Variants in GABRA2 observed in about 807,000 individuals in gnomAD.
GABRA2 encodes gamma-aminobutyric acid type A receptor subunit alpha2.
Under a neutral mutation model 48.7 loss-of-function variants are expected in GABRA2, and 16 were observed. The ratio of observed to expected loss-of-function variants is 0.33; its 90% confidence interval spans 0.22 to 0.50. GABRA2 has a LOEUF of 0.50. Among genes scored for constraint, GABRA2 ranks in the 20% least tolerant of loss-of-function variants. The pLI, the probability that GABRA2 is intolerant of heterozygous loss-of-function variation, is 0.98. For synonymous variants in GABRA2, 185 were observed against 184.5 expected, an observed-to-expected ratio of 1.00 and a Z score of -0.02; for missense variants, 275 against 535.6, an observed-to-expected ratio of 0.51 and a Z score of 4.80.
intron 6 of GABRA2, among the ~76,000 whole-genome samples, chr4:46,309,730 A>G (rs984957846): frequency 2.0e-5 from 3 of 152,262 alleles, no homozygotes; most frequent in African/African-American, 7.2e-5. Flanking sequence ...AAATCCTTCC[A>G]TTAGTTACAG....
At chr4:46,264,232 C>T (rs1011847858) in intron 8 of GABRA2, among the ~76,000 whole-genome samples, 1 of 151,882 alleles carries the variant, frequency 6.6e-6, no homozygotes, top group African/African-American at 2.4e-5. Context: ...TGATGTGGTT[C>T]GTTAAGGGTC....
intron 8 of GABRA2, among the ~76,000 whole-genome samples, chr4:46,274,693 T>G (rs530492923): frequency 1.3e-5 from 2 of 152,204 alleles, no homozygotes; most frequent in Admixed American, 6.6e-5. Context: ...AAATGTTAAA[T>G]TCTCCCCTCT....
At chr4:46,350,444 T>C (rs1734929194) in intron 3 of GABRA2, among the ~76,000 whole-genome samples, 1 of 151,896 alleles carries the variant, frequency 6.6e-6, no homozygotes, top group African/African-American at 2.4e-5. Flanking sequence ...GATATATATG[T>C]AGGTATATAT....
chr4:46,313,116 CAAATAAATAAATAAAT>C (rs199996713), intron 4 of GABRA2, among the ~76,000 whole-genome samples: 3,287 of 134,460 alleles, frequency 0.024, 116 homozygotes, highest in African/African-American at 0.085. Flanking sequence ...TTCCCAGTAG[CAAATAAATAAATAAAT>C]AAATAAATAA....
chr4:46,373,558 T>G (rs1364932163), intron 3 of GABRA2, among the ~76,000 whole-genome samples: 1 of 152,084 alleles, frequency 6.6e-6, no homozygotes, highest in Non-Finnish European at 1.5e-5. Flanking sequence ...AATAATATGG[T>G]TCTATATATG....
intron 9 of GABRA2, chr4:46,261,546 T>C (rs1577797854): frequency 1.0e-5 from 3 of 294,760 alleles, no homozygotes; most frequent in East Asian, 1.3e-4. Context: ...AGTTCAAGTA[T>C]ACTTACTAAC....
intron 3 of GABRA2, among the ~76,000 whole-genome samples, chr4:46,355,965 T>C (rs1735896156): frequency 6.6e-6 from 1 of 152,058 alleles, no homozygotes; most frequent in Non-Finnish European, 1.5e-5. Flanking sequence ...TAATGGCAAA[T>C]TTAGTACCTC....
intron 3 of GABRA2, among the ~76,000 whole-genome samples, chr4:46,339,575 TACTATGCAAA>T (rs1407978272): frequency 2.0e-5 from 3 of 151,874 alleles, no homozygotes; most frequent in African/African-American, 7.2e-5. Context: ...CAAAGAGAGA[TACTATGCAAA>T]AAATCAAATA....
At chr4:46,294,113 A>G (rs1724192094) in intron 8 of GABRA2, among the ~76,000 whole-genome samples, 2 of 152,184 alleles carry the variant, frequency 1.3e-5, no homozygotes, top group Admixed American at 1.3e-4. Context: ...TTCCTACATC[A>G]GGGGTATATC....
chr4:46,279,527 A>G (rs1721115645), intron 8 of GABRA2, among the ~76,000 whole-genome samples: 2 of 151,972 alleles, frequency 1.3e-5, no homozygotes, highest in Admixed American at 1.3e-4. Flanking sequence ...TTTGCATCAC[A>G]ACTGTGTTCT....
chr4:46,248,125 A>G lies in GABRA2; in HGVS notation c.*2183T>C, dbSNP rs189658627. On this transcript the variant is annotated 3_prime_UTR_variant, in exon 10 of 10. Coordinates refer to ENST00000381620, the MANE Select transcript of GABRA2 (RefSeq NM_000807.4). ...TGTTGTCATACAGAAACTGTTATTT[A>G]CAACTGTTTTTACATATACACATAT... 1.3e-5 allele frequency among the ~76,000 whole-genome samples: 2 copies of G among 151,422 alleles called. No homozygotes were observed. Among genetic ancestry groups the G allele is most frequent in the East Asian group, 3.9e-4 (2 of 5,114 alleles).
chr4:46,369,540 C>T (rs1003329266), intron 3 of GABRA2, among the ~76,000 whole-genome samples: 3 of 114,692 alleles, frequency 2.6e-5, no homozygotes, highest in Non-Finnish European at 5.4e-5. Context: ...TGCAAGAGAA[C>T]TACAGGCTGA....
At chr4:46,288,808 C>T (rs890955581) in intron 8 of GABRA2, among the ~76,000 whole-genome samples, 14 of 151,924 alleles carry the variant, frequency 9.2e-5, no homozygotes, top group Non-Finnish European at 1.9e-4. Context: ...TTTTTGCAAA[C>T]TATGCATCTG....
At chr4:46,371,504 A>T (rs2110001145) in intron 3 of GABRA2, among the ~76,000 whole-genome samples, 1 of 152,228 alleles carries the variant, frequency 6.6e-6, no homozygotes, top group Non-Finnish European at 1.5e-5. Flanking sequence ...TGCAGTATCC[A>T]ATACATTTTT....
chr4:46,340,466 A>C (rs1314616887), intron 3 of GABRA2, among the ~76,000 whole-genome samples: 3 of 151,568 alleles, frequency 2.0e-5, no homozygotes, highest in Non-Finnish European at 4.4e-5. Context: ...TATAAATTAA[A>C]TCCCTTCTAT....
chr4:46,377,354 C>T (rs1336279653), intron 3 of GABRA2, among the ~76,000 whole-genome samples: 1 of 150,956 alleles, frequency 6.6e-6, no homozygotes, highest in East Asian at 2.0e-4. Flanking sequence ...AGCCGCCCAT[C>T]GTCTGAGATG....
chr4:46,359,968 T>C (rs1712900756), intron 3 of GABRA2, among the ~76,000 whole-genome samples: 2 of 151,470 alleles, frequency 1.3e-5, no homozygotes, highest in Admixed American at 1.3e-4. Context: ...TCCACTCACA[T>C]TCCTAAAAGA....
At chr4:46,283,649 T>C (rs1484311461) in intron 8 of GABRA2, among the ~76,000 whole-genome samples, 3 of 152,240 alleles carry the variant, frequency 2.0e-5, no homozygotes, top group African/African-American at 7.2e-5. Context: ...AGCTAATGTC[T>C]TCAAATGTAC....
At chr4:46,294,423 T>C (rs757402841) in intron 8 of GABRA2, among the ~76,000 whole-genome samples, 72 of 152,336 alleles carry the variant, frequency 4.7e-4, no homozygotes, top group Non-Finnish European at 8.8e-4. Flanking sequence ...AGAGGCACAT[T>C]GCTCAGTGGA....
Sources: gnomAD v4.1 joint callset for allele counts (sites outside exome capture counted in the v4.1 genomes callset) on GRCh38, gnomAD v4.1.1 for gene constraint, MANE v1.5 for transcripts, NCBI Gene and HGNC (gene_info 2026-07-23, HGNC 2026-07-21) for gene names.